Variants in HMCN1 observed in about 807,000 individuals in gnomAD.
HMCN1 encodes the protein hemicentin 1.
A neutral mutation model predicts 625.9 loss-of-function variants in HMCN1; 321 were observed. That is an observed-to-expected ratio of 0.51 (90% CI 0.47 to 0.56). The LOEUF (loss-of-function observed/expected upper bound fraction) is 0.56, where lower values mean the gene tolerates loss of function less well. HMCN1 is among the 20% of genes least tolerant of loss of function. The pLI, the probability that HMCN1 is intolerant of heterozygous loss-of-function variation, is 0.00. For missense variants in HMCN1, 6,588 were observed against 6,887.3 expected, an observed-to-expected ratio of 0.96 and a Z score of 1.54; for synonymous variants, 2,425 against 2,417.6, an observed-to-expected ratio of 1.00 and a Z score of -0.09.
intron 4 of HMCN1, among the ~76,000 whole-genome samples, chr1:185,869,698 T>C (rs1354637015): frequency 1.3e-5 from 2 of 152,142 alleles, no homozygotes; most frequent in African/African-American, 4.8e-5. Context: ...GTGTTAAAAT[T>C]GGATTTGCAA....
intron 93 of HMCN1, among the ~76,000 whole-genome samples, chr1:186,149,817 T>G (rs1571421933): frequency 6.6e-6 from 1 of 152,256 alleles, no homozygotes; most frequent in South Asian, 2.1e-4. Context: ...GTGTCTCAGC[T>G]AATAGGGAGG....
In HMCN1 at chr1:186,014,280, C is replaced by T. The variant is rs186539974; in HGVS notation, c.4631-879C>T. 2.5e-4 allele frequency among the ~76,000 whole-genome samples: 38 copies of T among 151,352 alleles called. No homozygotes were observed. In the East Asian group the frequency reaches 5.0e-3, roughly 20 times the overall value. ...AAAAGTTTGTAAGATTATATTGATA[C>T]TTATATAGATTATATTGATACTTAA... On this transcript the variant is annotated intron_variant, in intron 30 of 106. Transcript: ENST00000271588.
chr1:185,771,672 T>G (rs1186114347), intron 1 of HMCN1, among the ~76,000 whole-genome samples: 2 of 152,166 alleles, frequency 1.3e-5, no homozygotes, highest in African/African-American at 4.8e-5. Flanking sequence ...ATTGGATTTG[T>G]ACCAAATTAT....
At chr1:186,163,508 C>G (rs1011912535) in intron 97 of HMCN1, among the ~76,000 whole-genome samples, 2 of 152,188 alleles carry the variant, frequency 1.3e-5, no homozygotes, top group African/African-American at 2.4e-5. Flanking sequence ...CTTGCTCATT[C>G]TGGGAGCTGT....
At chr1:186,049,083 G>T (rs992884296) in intron 42 of HMCN1, among the ~76,000 whole-genome samples, 2 of 152,004 alleles carry the variant, frequency 1.3e-5, no homozygotes, top group African/African-American at 4.8e-5. Flanking sequence ...GTAGTAATGT[G>T]CCCTTTGTCT....
intron 2 of HMCN1, among the ~76,000 whole-genome samples, chr1:185,862,783 T>C (rs1287267185): frequency 1.3e-5 from 2 of 152,198 alleles, no homozygotes; most frequent in Non-Finnish European, 2.9e-5. Flanking sequence ...ATGGCTGGTA[T>C]ATTTTCCAAA....
At chr1:186,091,550 A>C (rs1048681992) in intron 64 of HMCN1, among the ~76,000 whole-genome samples, 7 of 151,988 alleles carry the variant, frequency 4.6e-5, no homozygotes, top group African/African-American at 1.7e-4. Flanking sequence ...GGTTTGTCCA[A>C]ATCCCATTTT....
At chr1:186,142,908 A>G (rs1650060692) in intron 89 of HMCN1, among the ~76,000 whole-genome samples, 1 of 152,226 alleles carries the variant, frequency 6.6e-6, no homozygotes, top group Non-Finnish European at 1.5e-5. Flanking sequence ...CAGCCTTGAA[A>G]ATAAAATGTA....
chr1:186,052,622 T>A (rs1032859583), intron 42 of HMCN1, among the ~76,000 whole-genome samples: 2 of 152,076 alleles, frequency 1.3e-5, no homozygotes, highest in Admixed American at 6.6e-5. Context: ...TACTTTAGCT[T>A]TTTGATGCAA....
At position 186,081,256 on chromosome 1, in the gene HMCN1, C is replaced by A. The variant is rs777806495; in HGVS notation, c.8649C>A (p.Thr2883=). The change falls in exon 56 of 107, where the codon ACC becomes ACA. Residue 2883 remains threonine (T), a synonymous_variant. Coordinates refer to ENST00000271588, the MANE Select transcript of HMCN1 (RefSeq NM_031935.3). ...GANSDLPEEV[T]VLVNKSALIE... is the part of the protein sequence containing the mutation. ...ATAGTGATCTCCCTGAAGAGGTCAC[C>A]GTGCTGGTGAACAAGAGTGCACTGA... 7 of 1,613,572 alleles carry A rather than the reference C, an allele frequency of 4.3e-6. No individual in the cohort carries two copies. Among genetic ancestry groups the A allele is most frequent in the South Asian group, 1.1e-5 (1 of 91,074 alleles).
At chr1:185,893,785 T>C (rs946162863) in intron 4 of HMCN1, among the ~76,000 whole-genome samples, 5 of 152,202 alleles carry the variant, frequency 3.3e-5, no homozygotes, top group African/African-American at 9.6e-5. Context: ...AAACTTTTCA[T>C]TGAAGAATTA....
chr1:186,088,779 A>G (rs1396560966), intron 63 of HMCN1, 24 bp downstream of exon 63: 8 of 1,593,116 alleles, frequency 5.0e-6, no homozygotes, highest in Admixed American at 3.4e-5. Context: ...ACTATGATCT[A>G]TCTTCAATTT....
At chr1:185,939,467 C>T (rs748670227) in intron 11 of HMCN1, among the ~76,000 whole-genome samples, 3 of 152,180 alleles carry the variant, frequency 2.0e-5, no homozygotes, top group Non-Finnish European at 4.4e-5. Flanking sequence ...GTATACAAAA[C>T]GTGTACATGA....
intron 97 of HMCN1, among the ~76,000 whole-genome samples, chr1:186,158,378 G>A (rs56138834): frequency 6.6e-6 from 1 of 151,736 alleles, no homozygotes. Context: ...TTTCTCCCAT[G>A]CTGTAGGTTG....
chr1:185,972,576 C>T (rs996495732), intron 15 of HMCN1, among the ~76,000 whole-genome samples: 8 of 152,170 alleles, frequency 5.3e-5, no homozygotes, highest in African/African-American at 1.9e-4. Flanking sequence ...ACAGAACCAT[C>T]AACATAAGCC....
rs142736326 is a variant in HMCN1 at position 185,855,001 on chromosome 1, ATGGC to A, written c.339+8907_339+8910del. Among the ~76,000 whole-genome samples, 39 of 152,316 alleles carry A rather than the reference ATGGC, an allele frequency of 2.6e-4. No individual in the cohort carries two copies. The East Asian group carries it at 6.9e-3, about 27-fold the overall frequency. ...GAGCAGAAGGAAGAGAGAAATTTCT[ATGGC>A]TAGGTAGAGTCTTGACTAGCAGAGA... On this transcript the variant is annotated intron_variant, in intron 2 of 106. Transcript: ENST00000271588.
chr1:186,128,329 C>T (rs1296637326), intron 83 of HMCN1, 38 bp downstream of exon 83: 6 of 1,478,846 alleles, frequency 4.1e-6, no homozygotes, highest in East Asian at 2.3e-5. Context: ...ATAAATACAC[C>T]TATGTAGAAC....
At chr1:186,093,388 T>C in intron 65 of HMCN1, 98 bp from the exon 66 acceptor site, 2 of 1,584,706 alleles carry the variant, frequency 1.3e-6, no homozygotes, top group Non-Finnish European at 1.7e-6. Context: ...CCTTTTGGGC[T>C]ACAATTTTGA....
At chr1:186,090,368 G>A (rs1659773709) in intron 63 of HMCN1, among the ~76,000 whole-genome samples, 1 of 151,894 alleles carries the variant, frequency 6.6e-6, no homozygotes, top group Admixed American at 6.6e-5. Context: ...ATAAGACAGA[G>A]TCTATAAGTC....
Sources: gnomAD v4.1 joint callset for allele counts (sites outside exome capture counted in the v4.1 genomes callset) on GRCh38, gnomAD v4.1.1 for gene constraint, MANE v1.5 for transcripts, NCBI Gene and HGNC (gene_info 2026-07-23, HGNC 2026-07-21) for gene names.